The following ATP6V0E1 variants were observed in gnomAD, a reference collection of about 807,000 sequenced individuals.
ATP6V0E1 encodes the protein V-type proton ATPase subunit e 1.
Under a neutral mutation model 11.6 loss-of-function variants are expected in ATP6V0E1, and 4 were observed. The observed-to-expected ratio is 0.35, with a 90% confidence interval of 0.17 to 0.79. The LOEUF (loss-of-function observed/expected upper bound fraction) is 0.79. ATP6V0E1 is among the 30% of genes least tolerant of loss of function. The pLI is 0.54. For missense variants in ATP6V0E1, 105 were observed against 100.0 expected, an observed-to-expected ratio of 1.05 and a Z score of -0.21; for synonymous variants, 36 against 34.8, an observed-to-expected ratio of 1.04 and a Z score of -0.13.
At chr5:173,000,418 GA>G (rs1390766455) in intron 2 of ATP6V0E1, among the ~76,000 whole-genome samples, 55 of 152,094 alleles carry the variant, frequency 3.6e-4, no homozygotes, top group Non-Finnish European at 5.9e-5. Flanking sequence ...TGTTTACTCA[GA>G]GTCACCAAGC....
chr5:172,992,329 G>A (rs1755996982), intron 1 of ATP6V0E1, among the ~76,000 whole-genome samples: 1 of 152,178 alleles, frequency 6.6e-6, no homozygotes, highest in Non-Finnish European at 1.5e-5. Flanking sequence ...GGGATTGCAG[G>A]CGTGAGCCAC....
At chr5:172,997,450 T>C (rs371767105) in intron 2 of ATP6V0E1, among the ~76,000 whole-genome samples, 40 of 152,312 alleles carry the variant, frequency 2.6e-4, no homozygotes, top group East Asian at 2.1e-3. Context: ...AGTCTTTTTT[T>C]TTCTTCTTCT....
chr5:172,992,331 G>A (rs930637146), intron 1 of ATP6V0E1, among the ~76,000 whole-genome samples: 9 of 152,190 alleles, frequency 5.9e-5, no homozygotes, highest in Non-Finnish European at 8.8e-5. Flanking sequence ...GATTGCAGGC[G>A]TGAGCCACTG....
chr5:173,011,175 CTTTTTTTTTTTT>C (rs754605378), intron 2 of ATP6V0E1, among the ~76,000 whole-genome samples: 2 of 114,702 alleles, frequency 1.7e-5, no homozygotes, highest in Admixed American at 9.4e-5. Context: ...CCTGATTTAT[CTTTTTTTTTTTT>C]TTTTTTTTTT....
intron 2 of ATP6V0E1, 127 bp downstream of exon 2, chr5:172,994,949 A>C (rs927019669): frequency 4.4e-6 from 3 of 687,184 alleles, no homozygotes; most frequent in Non-Finnish European, 7.2e-6. Context: ...AAAATATCAC[A>C]CTTTTCATAT....
At position 173,028,131 on chromosome 5, in the gene ATP6V0E1, G is replaced by A. The variant is rs571618728; in HGVS notation, c.*37-6268G>A. 2.6e-5 allele frequency among the ~76,000 whole-genome samples: 4 copies of A among 152,268 alleles called. No individual in the cohort carries two copies. In the South Asian group the frequency reaches 8.3e-4, roughly 32 times the overall value. On this transcript the variant is annotated intron_variant, in intron 3 of 3. Transcript: ENST00000519374. ...TATACTAAAGTTGGTTCTTTTAAAAGCAAAATGCCAGGAAGTAGGAGGGCA... is the reference window on the plus strand; with the variant it reads ...TATACTAAAGTTGGTTCTTTTAAAAACAAAATGCCAGGAAGTAGGAGGGCA...
chr5:173,032,257 ATTT>A (rs1329167860), intron 3 of ATP6V0E1, among the ~76,000 whole-genome samples: 2 of 98,636 alleles, frequency 2.0e-5, no homozygotes, highest in East Asian at 5.3e-4. Flanking sequence ...TATTTTATTT[ATTT>A]ATTTATTTAT....
At chr5:172,987,865 A>G (rs555104008) in intron 1 of ATP6V0E1, among the ~76,000 whole-genome samples, 1 of 151,868 alleles carries the variant, frequency 6.6e-6, no homozygotes, top group Non-Finnish European at 1.5e-5. Flanking sequence ...GGCGTGCACC[A>G]CTACACCCAG....
chr5:172,984,377 A>T (rs962617491), intron 1 of ATP6V0E1, among the ~76,000 whole-genome samples: 2 of 151,958 alleles, frequency 1.3e-5, no homozygotes, highest in Admixed American at 1.3e-4. Context: ...TAAAACAGAA[A>T]TTGGCTTCTC....
intron 3 of ATP6V0E1, among the ~76,000 whole-genome samples, chr5:173,030,956 T>G (rs1230265018): frequency 2.7e-5 from 4 of 147,820 alleles, no homozygotes; most frequent in Non-Finnish European, 6.0e-5. Flanking sequence ...TATTTATTTA[T>G]TTATTTGAGA....
rs113366896 is a variant in ATP6V0E1, at chr5:173,018,881, C to T, written c.153-1357C>T. ...AAACTTTATTTGGCATATGAATTAC[C>T]GTATCATATATAAGACCCTTTATAC... On this transcript the variant is annotated intron_variant, in intron 2 of 3. Coordinates refer to ENST00000519374, the MANE Select transcript of ATP6V0E1 (RefSeq NM_003945.4). Among the ~76,000 whole-genome samples, 570 of 151,384 alleles carry T rather than the reference C, an allele frequency of 3.8e-3. 2 individuals are homozygous for T. The highest frequency in any genetic ancestry group is 0.013 in the African/African-American group (544 of 40,784).
chr5:173,030,450 T>G (rs985781400), intron 3 of ATP6V0E1, among the ~76,000 whole-genome samples: 9 of 150,924 alleles, frequency 6.0e-5, no homozygotes, highest in Non-Finnish European at 1.2e-4. Flanking sequence ...TGTTTTTTTT[T>G]TTTTTTTTGA....
At chr5:173,021,400 T>A (rs184079163) in intron 3 of ATP6V0E1, among the ~76,000 whole-genome samples, 3 of 152,222 alleles carry the variant, frequency 2.0e-5, no homozygotes, top group African/African-American at 4.8e-5. Flanking sequence ...TCTTACATGG[T>A]AGCAGCAAGA....
intron 1 of ATP6V0E1, chr5:172,987,210 C>A (rs1271456730): frequency 1.0e-5 from 2 of 200,410 alleles, no homozygotes; most frequent in South Asian, 8.0e-5. Context: ...ATAAGCTGTT[C>A]CATGTGCCTG....
intron 3 of ATP6V0E1, among the ~76,000 whole-genome samples, chr5:173,031,245 A>C (rs1461263150): frequency 6.7e-6 from 1 of 148,576 alleles, no homozygotes; most frequent in African/African-American, 2.5e-5. Context: ...TGCCCGGCCT[A>C]ATTTTTGTAT....
chr5:173,013,352 A>G (rs1451618711), intron 2 of ATP6V0E1, among the ~76,000 whole-genome samples: 8 of 151,658 alleles, frequency 5.3e-5, no homozygotes, highest in Non-Finnish European at 1.0e-4. Flanking sequence ...GAGGCGGGTG[A>G]ATCACGAGGT....
chr5:172,997,663 T>A (rs1268947798), intron 2 of ATP6V0E1, among the ~76,000 whole-genome samples: 2 of 150,444 alleles, frequency 1.3e-5, no homozygotes, highest in Non-Finnish European at 3.0e-5. Context: ...CAAAAAAAAA[T>A]TTAGCCGAGC....
intron 2 of ATP6V0E1, among the ~76,000 whole-genome samples, chr5:173,006,060 T>G (rs1035336256): frequency 2.0e-5 from 3 of 152,200 alleles, no homozygotes; most frequent in Admixed American, 1.3e-4. Flanking sequence ...GAATCTATAT[T>G]CTGAAGTTGT....
rs191825084 is a variant in ATP6V0E1, at chr5:173,007,491, C to T, written c.152+12669C>T. On this transcript the variant is annotated intron_variant, in intron 2 of 3. Coordinates refer to ENST00000519374, the MANE Select transcript of ATP6V0E1 (RefSeq NM_003945.4). Reference sequence around the variant, plus strand: ...GAGAATCTCCTTTGTGTCAAATCATCTCATCCTATAGCAGTCTGGAGTCCA... The same window carrying T: ...GAGAATCTCCTTTGTGTCAAATCATTTCATCCTATAGCAGTCTGGAGTCCA... Among the ~76,000 whole-genome samples, 753 of 152,340 alleles carry T rather than the reference C, an allele frequency of 4.9e-3. 8 individuals carry two copies. The highest frequency in any genetic ancestry group is 0.017 in the African/African-American group (716 of 41,576).
Sources: allele counts gnomAD v4.1 joint callset (sites outside exome capture counted in the v4.1 genomes callset), GRCh38; gene constraint gnomAD v4.1.1; transcripts MANE v1.5; gene names NCBI Gene and HGNC (gene_info 2026-07-23, HGNC 2026-07-21).